Variants in CTDSPL observed in about 807,000 individuals in gnomAD.
The protein encoded by CTDSPL is CTD small phosphatase like, also known as CTD small phosphatase-like protein.
CTDSPL carries 8 observed loss-of-function variants against 30.5 expected under a neutral mutation model. That is an observed-to-expected ratio of 0.26 (90% confidence interval 0.15 to 0.47). The LOEUF is 0.47. Ranked by LOEUF, CTDSPL falls within the 20% of genes least tolerant of loss-of-function variation. The pLI is 0.99. For missense variants in CTDSPL, 248 were observed against 366.1 expected, an observed-to-expected ratio of 0.68 and a Z score of 2.63; for synonymous variants, 110 against 137.9, an observed-to-expected ratio of 0.80 and a Z score of 1.42.
At chr3:37,873,383 A>G (rs902362228) in intron 1 of CTDSPL, among the ~76,000 whole-genome samples, 2 of 152,144 alleles carry the variant, frequency 1.3e-5, no homozygotes, top group African/African-American at 4.8e-5. Flanking sequence ...CTTCGTCTGC[A>G]ACTGTCGGTT....
rs2125637748 is a variant in CTDSPL at position 37,981,621 on chromosome 3, A to T, written c.*754A>T. On this transcript the variant is annotated 3_prime_UTR_variant, in exon 8 of 8. Coordinates refer to ENST00000273179, the MANE Select transcript of CTDSPL (RefSeq NM_001008392.2). ...AGGAAACAATAGATTATTTTATATT[A>T]TTATTTCTGATGGTGACAAGTTTGT... 3.1e-6 allele frequency: 1 copy of T among 320,806 alleles called. No individual in the cohort carries two copies. The highest frequency in any genetic ancestry group is 8.2e-5 in the East Asian group (1 of 12,218). 19.9% of individuals were successfully genotyped at this position (320,806 alleles called of 1,614,324 possible).
In CTDSPL at chr3:37,983,656, A is replaced by G. The variant is rs1327311095; in HGVS notation, c.*2789A>G. The stretch of plus-strand genomic sequence containing the variant: ...GGGACAGGACACCTTGGGTTTGTGG[A>G]CTGCAGCCCACTATGATGTTATTAC... On this transcript the variant is annotated 3_prime_UTR_variant, in exon 8 of 8. Transcript: ENST00000273179. 6.5e-6 allele frequency: 1 copy of G among 152,778 alleles called. No homozygotes were observed. Among genetic ancestry groups the G allele is most frequent in the Non-Finnish European group, 1.5e-5 (1 of 68,404 alleles). The allele number at this position is 152,778 out of a possible 1,614,324, so 9.5% of individuals were successfully genotyped here.
intron 1 of CTDSPL, among the ~76,000 whole-genome samples, chr3:37,874,766 A>G (rs1198163404): frequency 6.6e-6 from 1 of 151,788 alleles, no homozygotes; most frequent in Non-Finnish European, 1.5e-5. Flanking sequence ...ATAAATACAG[A>G]CAGACACACG....
intron 1 of CTDSPL, among the ~76,000 whole-genome samples, chr3:37,940,338 T>C (rs1241355216): frequency 6.6e-6 from 1 of 150,472 alleles, no homozygotes; most frequent in Non-Finnish European, 1.5e-5. Flanking sequence ...GAGACAATCC[T>C]TTCCATTTCA....
At chr3:37,960,527 TATATATATACACACACACAC>T (rs1400158692) in intron 3 of CTDSPL, among the ~76,000 whole-genome samples, 1 of 63,644 alleles carries the variant, frequency 1.6e-5, no homozygotes, top group African/African-American at 6.8e-5. Flanking sequence ...TATATATATA[TATATATATACACACACACAC>T]ACACACACAC....
chr3:37,960,480 CAAAAAAA>C lies in CTDSPL; in HGVS notation c.267+3357_267+3363del, dbSNP rs1208033395. ...GGGCAACAAGAGCAAAACTCTGTCT[CAAAAAAA>C]AAAAAAAAAAAAAAAAAAATATATA... On this transcript the variant is annotated intron_variant, in intron 3 of 7. Transcript: ENST00000273179. 7.6e-3 allele frequency among the ~76,000 whole-genome samples: 37 copies of C among 4,890 alleles called. 1 individual carries two copies. The highest frequency in any genetic ancestry group is 0.013 in the Admixed American group (3 of 234). The allele number at this position is 4,890 out of a possible 152,430, so 3.2% of individuals were successfully genotyped here. A position where few individuals can be genotyped will look rare whatever the true frequency, so the allele number is the denominator to read the frequency against.
At chr3:37,946,468 G>C (rs1021475693) in intron 1 of CTDSPL, among the ~76,000 whole-genome samples, 1 of 152,194 alleles carries the variant, frequency 6.6e-6, no homozygotes, top group African/African-American at 2.4e-5. Flanking sequence ...AAGCTCTGTG[G>C]ATCCAGGCCC....
At chr3:37,868,900 A>G (rs1698042292) in intron 1 of CTDSPL, among the ~76,000 whole-genome samples, 1 of 152,086 alleles carries the variant, frequency 6.6e-6, no homozygotes, top group Non-Finnish European at 1.5e-5. Flanking sequence ...TTGTTGCCAC[A>G]TTATGTAAAT....
chr3:37,956,072 A>G (rs960438403), intron 2 of CTDSPL, among the ~76,000 whole-genome samples: 1 of 152,220 alleles, frequency 6.6e-6, no homozygotes, highest in Non-Finnish European at 1.5e-5. Context: ...ACAAGCCGGA[A>G]ATCTGAAAAA....
chr3:37,977,315 C>T (rs935662986), intron 7 of CTDSPL, among the ~76,000 whole-genome samples: 1 of 152,146 alleles, frequency 6.6e-6, no homozygotes, highest in African/African-American at 2.4e-5. Context: ...GTATTTCAAT[C>T]GGGATCCAAA....
At chr3:37,928,660 G>C (rs1195222817) in intron 1 of CTDSPL, among the ~76,000 whole-genome samples, 9 of 152,026 alleles carry the variant, frequency 5.9e-5, no homozygotes, top group Non-Finnish European at 1.2e-4. Context: ...GCATTGTAAG[G>C]GTTCTTTATA....
intron 1 of CTDSPL, among the ~76,000 whole-genome samples, chr3:37,868,866 A>G (rs1698041965): frequency 6.6e-6 from 1 of 152,060 alleles, no homozygotes. Flanking sequence ...GTTCTTTTTC[A>G]AAATTGTTTT....
chr3:37,947,247 C>A, intron 2 of CTDSPL, 36 bp downstream of exon 2: 1 of 1,591,672 alleles, frequency 6.3e-7, no homozygotes, highest in South Asian at 1.1e-5. Flanking sequence ...CTCCATAAAA[C>A]TGCAGCAGTG....
At chr3:37,874,832 C>A (rs955569312) in intron 1 of CTDSPL, among the ~76,000 whole-genome samples, 9 of 152,144 alleles carry the variant, frequency 5.9e-5, no homozygotes, top group Non-Finnish European at 1.2e-4. Flanking sequence ...CCAAGGGAAG[C>A]AGCATCTAGC....
intron 5 of CTDSPL, among the ~76,000 whole-genome samples, chr3:37,971,195 T>G (rs1282898527): frequency 6.6e-6 from 1 of 152,238 alleles, no homozygotes; most frequent in Non-Finnish European, 1.5e-5. Flanking sequence ...GAGGGGCGTC[T>G]GCAGTGAACT....
rs368610645 is a variant in CTDSPL at position 37,869,813 on chromosome 3, T to A, written c.79+7535T>A. Among the ~76,000 whole-genome samples the A allele has an allele frequency of 4.6e-5, 7 of 152,272 alleles. 1 individual carries two copies. Among genetic ancestry groups the A allele is most frequent in the Admixed American group, 1.3e-4 (2 of 15,298 alleles). On this transcript the variant is annotated intron_variant, in intron 1 of 7. Coordinates refer to ENST00000273179, the MANE Select transcript of CTDSPL (RefSeq NM_001008392.2). ...ATTCAATTTTTCTGAGAGTTTTTAA[T>A]CAAGAATGAATGTTAACTTTTGTCT...
At chr3:37,922,177 G>T (rs946151468) in intron 1 of CTDSPL, among the ~76,000 whole-genome samples, 1 of 151,626 alleles carries the variant, frequency 6.6e-6, no homozygotes, top group Non-Finnish European at 1.5e-5. Context: ...GGAGGTTGCA[G>T]TGAGCCGAGA....
At chr3:37,913,752 A>G (rs1301790935) in intron 1 of CTDSPL, among the ~76,000 whole-genome samples, 1 of 152,216 alleles carries the variant, frequency 6.6e-6, no homozygotes, top group Non-Finnish European at 1.5e-5. Context: ...CCAGGAACCT[A>G]CCAGCGTTGG....
chr3:37,931,695 A>G (rs1270994623), intron 1 of CTDSPL, among the ~76,000 whole-genome samples: 1 of 151,916 alleles, frequency 6.6e-6, no homozygotes, highest in Admixed American at 6.6e-5. Context: ...TGTGGTTACT[A>G]TAGTGCTTAC....
Sources: gnomAD v4.1 joint callset for allele counts (sites outside exome capture counted in the v4.1 genomes callset) on GRCh38, gnomAD v4.1.1 for gene constraint, MANE v1.5 for transcripts, NCBI Gene and HGNC (gene_info 2026-07-23, HGNC 2026-07-21) for gene names.